Variants in SLC4A7 observed in about 807,000 individuals in gnomAD.
SLC4A7 encodes the protein solute carrier family 4 member 7, also known as sodium bicarbonate cotransporter 3.
SLC4A7 carries 51 observed loss-of-function variants against 137.6 expected under a neutral mutation model. The observed-to-expected ratio is 0.37, with a 90% CI of 0.30 to 0.47. SLC4A7 has a LOEUF of 0.47. SLC4A7 is among the 20% of genes least tolerant of loss of function. The pLI is 1.00. For missense variants in SLC4A7, 1,247 were observed against 1,525.4 expected, an observed-to-expected ratio of 0.82 and a Z score of 3.04; for synonymous variants, 542 against 518.6, an observed-to-expected ratio of 1.05 and a Z score of -0.61.
At chr3:27,465,150 T>G (rs538060925) in intron 1 of SLC4A7, among the ~76,000 whole-genome samples, 1 of 151,486 alleles carries the variant, frequency 6.6e-6, no homozygotes, top group East Asian at 2.0e-4. Context: ...AACACGAAAA[T>G]TATCCAGGCG....
rs1576725651 is a variant in SLC4A7 at position 27,484,376 on chromosome 3, G to C, written c.-250C>G. On this transcript the variant is annotated 5_prime_UTR_variant, in exon 1 of 26. Transcript: ENST00000454389. The stretch of plus-strand genomic sequence containing the variant: ...GCGAGGCCGCGGCGTGGAACCTGAA[G>C]CTAGAACTGAGCGAACCGGCGGACC... The C allele has an allele frequency of 9.2e-6, 3 of 325,006 alleles. No homozygotes were observed. The highest frequency in any genetic ancestry group is 4.9e-5 in the Admixed American group (1 of 20,234). 20.1% of individuals were successfully genotyped at this position (325,006 alleles called of 1,614,324 possible). A position where few individuals can be genotyped will look rare whatever the true frequency, so the allele number is the denominator to read the frequency against.
At chr3:27,401,644 C>A (rs1174193753) in intron 15 of SLC4A7, among the ~76,000 whole-genome samples, 1 of 152,012 alleles carries the variant, frequency 6.6e-6, no homozygotes, top group African/African-American at 2.4e-5. Flanking sequence ...ACAAAAGGGG[C>A]TATGATGTGA....
intron 18 of SLC4A7, among the ~76,000 whole-genome samples, chr3:27,396,911 G>A (rs1243123878): frequency 1.3e-5 from 2 of 152,016 alleles, no homozygotes; most frequent in South Asian, 2.1e-4. Flanking sequence ...AACACACTTC[G>A]TTTTCTCCTT....
intron 3 of SLC4A7, among the ~76,000 whole-genome samples, chr3:27,443,632 A>G (rs779842156): frequency 3.3e-5 from 5 of 151,972 alleles, no homozygotes; most frequent in Admixed American, 6.6e-5. Flanking sequence ...CTGTTCTAAT[A>G]TAAGGATTAA....
chr3:27,455,814 G>A (rs773189960), intron 1 of SLC4A7, among the ~76,000 whole-genome samples: 1 of 151,628 alleles, frequency 6.6e-6, no homozygotes, highest in Admixed American at 6.6e-5. Flanking sequence ...CGCATAGAGC[G>A]CCACCGCACT....
intron 1 of SLC4A7, among the ~76,000 whole-genome samples, chr3:27,480,505 C>CA (rs2059662461): frequency 6.6e-6 from 1 of 152,208 alleles, no homozygotes; most frequent in African/African-American, 2.4e-5. Flanking sequence ...ACAGGGGTTA[C>CA]AGGCATAAGC....
At chr3:27,427,317 C>CT (rs11349026) in intron 7 of SLC4A7, among the ~76,000 whole-genome samples, 2 of 147,464 alleles carry the variant, frequency 1.4e-5, no homozygotes, top group African/African-American at 2.5e-5. Context: ...AAATTCACTT[C>CT]TTTTTTTTTT....
chr3:27,481,582 AC>A (rs2059709041), intron 1 of SLC4A7, among the ~76,000 whole-genome samples: 1 of 152,230 alleles, frequency 6.6e-6, no homozygotes, highest in African/African-American at 2.4e-5. Flanking sequence ...AATTTTATCA[AC>A]GCCAATAGTT....
intron 24 of SLC4A7, among the ~76,000 whole-genome samples, chr3:27,381,670 A>G (rs934274539): frequency 3.3e-5 from 5 of 152,182 alleles, no homozygotes; most frequent in African/African-American, 1.2e-4. Flanking sequence ...GCTAAAAAAA[A>G]AGAGAAAGAA....
intron 1 of SLC4A7, among the ~76,000 whole-genome samples, chr3:27,466,950 G>C (rs2059033964): frequency 6.6e-6 from 1 of 152,186 alleles, no homozygotes; most frequent in Non-Finnish European, 1.5e-5. Flanking sequence ...CAATGGATGA[G>C]TGAGGAAGTT....
intron 1 of SLC4A7, among the ~76,000 whole-genome samples, chr3:27,483,520 G>T (rs1035516004): frequency 1.3e-5 from 2 of 152,228 alleles, no homozygotes; most frequent in African/African-American, 2.4e-5. Flanking sequence ...AGAACTCACC[G>T]AACAAAGCGC....
intron 24 of SLC4A7, 114 bp downstream of exon 24, chr3:27,383,039 C>A: frequency 1.5e-6 from 1 of 678,762 alleles, no homozygotes; most frequent in Non-Finnish European, 2.5e-6. Flanking sequence ...ACACCATATG[C>A]AGATTGTATC....
At position 27,447,122 on chromosome 3, in the gene SLC4A7, G is replaced by A. The variant is rs377029398; in HGVS notation, c.289+1529C>T. Among the ~76,000 whole-genome samples the A allele has an allele frequency of 1.2e-4, 18 of 150,022 alleles. No homozygotes were observed. The South Asian group carries it at 3.4e-3, about 28-fold the overall frequency. Reference sequence around the variant, plus strand: ...AGGCTGGTCTTGAACTCCTGACCTCGTGATCCACCTGCCTCAGCCTCCCAA... The same window carrying A: ...AGGCTGGTCTTGAACTCCTGACCTCATGATCCACCTGCCTCAGCCTCCCAA... On this transcript the variant is annotated intron_variant, in intron 3 of 25. Transcript: ENST00000454389.
At position 27,376,632 on chromosome 3, in the gene SLC4A7, C is replaced by A; in HGVS notation, c.*132G>T. ...GTCTCCACGGTGCTCATTACAAACT[C>A]CAGACACTACTTTTAAAAACCCGGT... is the stretch of plus-strand genomic sequence containing the variant. On this transcript the variant is annotated 3_prime_UTR_variant, in exon 26 of 26. Coordinates refer to ENST00000454389, the MANE Select transcript of SLC4A7 (RefSeq NM_001321103.2). 1 of 533,746 alleles carries A rather than the reference C, an allele frequency of 1.9e-6. No individual in the cohort carries two copies. The highest frequency in any genetic ancestry group is 3.0e-5 in the Admixed American group (1 of 33,748). 33.1% of individuals were successfully genotyped at this position (533,746 alleles called of 1,614,324 possible).
At position 27,391,805 on chromosome 3, in the gene SLC4A7, T is replaced by A. The variant is rs1382746006; in HGVS notation, c.3121A>T (p.Ile1041Phe). The change falls in exon 21 of 26, where the codon ATT becomes TTT. Residue 1041 changes from isoleucine (I) to phenylalanine (F), a missense_variant. Physicochemically the swap from Ile to Phe is conservative, Grantham distance 21. This residue lies in a region of SLC4A7 where 290 missense variants were observed against 323.8 expected (regional missense o/e 0.90). Transcript: ENST00000454389. ...ACACCATACAGAACAGGCATTGGAA[T>A]AAACTGTAAATAAAATGAACACAAT... ...SVFMTSVLKF[I>F]PMPVLYGVFL... 1 of 1,576,402 alleles carries A rather than the reference T, an allele frequency of 6.3e-7. No homozygotes were observed. The highest frequency in any genetic ancestry group is 8.7e-7 in the Non-Finnish European group (1 of 1,153,070).
At chr3:27,396,465 C>T (rs1033819577) in intron 18 of SLC4A7, among the ~76,000 whole-genome samples, 11 of 152,010 alleles carry the variant, frequency 7.2e-5, no homozygotes, top group African/African-American at 2.7e-4. Context: ...TTCATAGTTT[C>T]ATTTATTTAT....
Position 27,448,670 on chromosome 3 carries a change from T to C in SLC4A7, c.270A>G (p.Gly90=). The C allele has an allele frequency of 6.2e-7, 1 of 1,612,334 alleles. No individual in the cohort carries two copies. The highest frequency in any genetic ancestry group is 1.7e-4 in the Middle Eastern group (1 of 6,036). The change falls in exon 3 of 26, where the codon GGA becomes GGG. Residue 90 remains glycine (G), a synonymous_variant. Transcript: ENST00000454389. ...RKDKESDKED[G]RESPSYDTPS... is the part of the protein sequence containing the mutation. ...TCTTACCATAAGAAGGAGATTCCCG[T>C]CCATCTTCTTTATCTGATTCTTTAT...
intron 3 of SLC4A7, among the ~76,000 whole-genome samples, chr3:27,443,602 T>C (rs1239223084): frequency 6.6e-6 from 1 of 152,174 alleles, no homozygotes; most frequent in Admixed American, 6.5e-5. Context: ...GAAGTTTAAG[T>C]CACTGATTTC....
At position 27,448,703 on chromosome 3, in the gene SLC4A7, T is replaced by C. The variant is rs13096477; in HGVS notation, c.237A>G (p.Arg79=). 347,939 of 1,610,948 alleles carry C rather than the reference T, an allele frequency of 0.22. 40,157 individuals carry two copies. Among genetic ancestry groups the C allele is most frequent in the Non-Finnish European group, 0.24 (282,766 of 1,177,526 alleles). Residue 79 remains arginine (R), a synonymous_variant, in exon 3 of 26, where the codon AGA becomes AGG. Transcript: ENST00000454389. The part of the protein sequence containing the change: ...RHRGHKHHHR[R]RKDKESDKED... ...CTTTATCTGATTCTTTATCTTTTCT[T>C]CTCCGGTGGTGATGTTTGTGTCCGC...
Sources: allele counts gnomAD v4.1 joint callset (sites outside exome capture counted in the v4.1 genomes callset), GRCh38; gene constraint gnomAD v4.1.1; regional missense constraint gnomAD v4.1.1; transcripts MANE v1.5; gene names NCBI Gene and HGNC (gene_info 2026-07-23, HGNC 2026-07-21).